Variants in ZNF283 observed in about 807,000 individuals in gnomAD.
ZNF283 encodes the protein zinc finger protein 41.
In ZNF283, 10 loss-of-function variants were observed where a neutral mutation model predicts 9.2. The ratio of observed to expected loss-of-function variants is 1.09; its 90% confidence interval spans 0.67 to 1.85. The LOEUF is 1.85. Among genes scored for constraint, ZNF283 ranks in the 40% most tolerant of loss-of-function variants. The pLI is 0.00. For synonymous variants in ZNF283, 234 were observed against 244.1 expected, an observed-to-expected ratio of 0.96 and a Z score of 0.38; for missense variants, 631 against 760.1, an observed-to-expected ratio of 0.83 and a Z score of 2.00.
chr19:43,834,332 C>T (rs1970855846), intron 4 of ZNF283, among the ~76,000 whole-genome samples: 1 of 151,762 alleles, frequency 6.6e-6, no homozygotes, highest in East Asian at 1.9e-4. Context: ...CAACTTAGGC[C>T]ATGAATATAT....
At position 43,847,721 on chromosome 19, in the gene ZNF283, C is replaced by G; in HGVS notation, c.1120C>G (p.Pro374Ala). 6.2e-7 allele frequency: 1 copy of G among 1,612,968 alleles called. No homozygotes were observed. Among genetic ancestry groups the G allele is most frequent in the Non-Finnish European group, 8.5e-7 (1 of 1,179,578 alleles). The change falls in exon 7 of 7, where the codon CCT becomes GCT. Residue 374 changes from proline (P) to alanine (A), a missense_variant. By Grantham distance (27) the Pro-to-Ala change is conservative. This residue lies in a region of ZNF283 where 444 missense variants were observed against 522.5 expected (regional missense o/e 0.85). Transcript: ENST00000618787. ...TCAGAAAATCCATACTGGTAAGAAA[C>G]CTTATGAATGTAAAATATGTGGAAA... ...QHQKIHTGKK[P>A]YECKICGKAF...
intron 1 of ZNF283, 49 bp downstream of exon 1, chr19:43,827,493 G>A (rs566665561): frequency 1.3e-5 from 2 of 152,396 alleles, no homozygotes; most frequent in South Asian, 4.2e-4. Flanking sequence ...GAAGCTGGGA[G>A]GGCTCGGCTG....
rs1266530331 is a variant in ZNF283 at position 43,847,393 on chromosome 19, G to C, written c.792G>C (p.Glu264Asp). ...QRFHTGEKPY[E>D]CKECGKTFSW... ...TTCATACTGGTGAGAAACCCTATGA[G>C]TGTAAGGAATGTGGGAAGACCTTTA... The change falls in exon 7 of 7, where the codon GAG becomes GAC. Residue 264 changes from glutamate (E) to aspartate (D), a missense_variant. This residue lies in a region of ZNF283 where 444 missense variants were observed against 522.5 expected (regional missense o/e 0.85). Coordinates refer to ENST00000618787, the MANE Select transcript of ZNF283 (RefSeq NM_181845.2). 6.2e-7 allele frequency: 1 copy of C among 1,613,518 alleles called. No individual in the cohort carries two copies. The highest frequency in any genetic ancestry group is 8.5e-7 in the Non-Finnish European group (1 of 1,179,764).
Position 43,850,863 on chromosome 19 carries a change from T to C in ZNF283, c.*2222T>C, listed in dbSNP as rs913483558. 4 of 152,260 alleles carry C rather than the reference T, an allele frequency of 2.6e-5. No individual in the cohort carries two copies. Among genetic ancestry groups the C allele is most frequent in the African/African-American group, 9.6e-5 (4 of 41,474 alleles). 9.4% of individuals were successfully genotyped at this position (152,260 alleles called of 1,614,324 possible). Reference sequence around the variant, plus strand: ...TGAAGAAATAGAGTGTGTGTTTATATACTCACACAGTTAGAAATCGACCCT... The same window carrying C: ...TGAAGAAATAGAGTGTGTGTTTATACACTCACACAGTTAGAAATCGACCCT... On this transcript the variant is annotated 3_prime_UTR_variant, in exon 7 of 7. Coordinates refer to ENST00000618787, the MANE Select transcript of ZNF283 (RefSeq NM_181845.2).
rs1181543450 is a variant in ZNF283, at chr19:43,842,205, A to G, written c.338-4734A>G. ...TTTGTACTTCAGTTTGGTAATACCT[A>G]TTTACCTGTCTTGAAGTCACTGTTT... On this transcript the variant is annotated intron_variant, in intron 6 of 6. Transcript: ENST00000618787. 5.3e-5 allele frequency among the ~76,000 whole-genome samples: 8 copies of G among 151,720 alleles called. No individual in the cohort carries two copies. In the East Asian group the frequency reaches 1.2e-3, roughly 22 times the overall value.
At chr19:43,837,450 T>A (rs1971030448) in intron 6 of ZNF283, 1 of 405,424 alleles carries the variant, frequency 2.5e-6, no homozygotes, top group Non-Finnish European at 4.3e-6. Flanking sequence ...TTATAGAACA[T>A]TTATTTCATA....
chr19:43,837,019 A>G, intron 5 of ZNF283, 34 bp from the exon 6 acceptor site: 1 of 1,609,256 alleles, frequency 6.2e-7, no homozygotes. Flanking sequence ...GTTTTCTTTA[A>G]TTTCACAAGT....
chr19:43,837,129 A>C lies in ZNF283; in HGVS notation c.287A>C (p.Asp96Ala). 6.2e-7 allele frequency: 1 copy of C among 1,613,696 alleles called. No homozygotes were observed. Among genetic ancestry groups the C allele is most frequent in the Middle Eastern group, 1.6e-4 (1 of 6,062 alleles). ...EWECLDPAQR[D>A]LYVDVMLENY... ...GAATGCCTGGACCCTGCTCAGAGGG[A>C]CTTGTACGTGGATGTAATGTTGGAG... Residue 96 changes from aspartate to alanine, a missense_variant, in exon 6 of 7, where the codon GAC becomes GCC. By Grantham distance (126) the Asp-to-Ala change is moderately radical. Coordinates refer to ENST00000618787, the MANE Select transcript of ZNF283 (RefSeq NM_181845.2).
chr19:43,847,379 G>A lies in ZNF283; in HGVS notation c.778G>A (p.Glu260Lys), dbSNP rs1283480245. The change falls in exon 7 of 7, where the codon GAG becomes AAG. Residue 260 changes from glutamate (E) to lysine (K), a missense_variant. This residue lies in a region of ZNF283 where 444 missense variants were observed against 522.5 expected (regional missense o/e 0.85). Coordinates refer to ENST00000618787, the MANE Select transcript of ZNF283 (RefSeq NM_181845.2). ...TGTGCATCAGAGATTTCATACTGGT[G>A]AGAAACCCTATGAGTGTAAGGAATG... ...LNVHQRFHTG[E>K]KPYECKECGK... 6.2e-7 allele frequency: 1 copy of A among 1,614,048 alleles called. No homozygotes were observed. The highest frequency in any genetic ancestry group is 8.5e-7 in the Non-Finnish European group (1 of 1,179,950).
At chr19:43,834,837 A>C (rs1340624703) in intron 4 of ZNF283, among the ~76,000 whole-genome samples, 1 of 151,714 alleles carries the variant, frequency 6.6e-6, no homozygotes, top group Non-Finnish European at 1.5e-5. Flanking sequence ...CTCATAATCC[A>C]CCCACCTCAG....
chr19:43,837,779 A>G (rs1971042677), intron 6 of ZNF283: 1 of 152,258 alleles, frequency 6.6e-6, no homozygotes, highest in Admixed American at 6.5e-5. Flanking sequence ...GGAGCCTGGG[A>G]TCTCTATGTG....
At chr19:43,833,007 A>C (rs1427948914) in intron 3 of ZNF283, among the ~76,000 whole-genome samples, 1 of 149,706 alleles carries the variant, frequency 6.7e-6, no homozygotes, top group East Asian at 1.9e-4. Context: ...CAGCCTAGGC[A>C]ACAGAGCAAG....
chr19:43,834,965 A>G (rs748590010), intron 4 of ZNF283, among the ~76,000 whole-genome samples: 5 of 152,118 alleles, frequency 3.3e-5, no homozygotes, highest in Non-Finnish European at 7.3e-5. Context: ...GTCTTTCTGT[A>G]TTGATATATA....
chr19:43,832,022 G>T (rs565865311), intron 3 of ZNF283, among the ~76,000 whole-genome samples: 1 of 151,296 alleles, frequency 6.6e-6, no homozygotes, highest in African/African-American at 2.4e-5. Context: ...ATAGTAATTG[G>T]TGATGTAAAT....
intron 6 of ZNF283, among the ~76,000 whole-genome samples, chr19:43,841,796 T>C (rs1208922017): frequency 6.6e-6 from 1 of 152,220 alleles, no homozygotes; most frequent in Non-Finnish European, 1.5e-5. Flanking sequence ...GATATATTTT[T>C]TCTTTTAGTT....
chr19:43,836,843 T>C (rs1001499519), intron 5 of ZNF283, among the ~76,000 whole-genome samples: 1 of 152,248 alleles, frequency 6.6e-6, no homozygotes, highest in Non-Finnish European at 1.5e-5. Context: ...CGGGAAGTTT[T>C]TTCTGCTATA....
At chr19:43,841,644 G>A (rs1460374566) in intron 6 of ZNF283, among the ~76,000 whole-genome samples, 1 of 152,026 alleles carries the variant, frequency 6.6e-6, no homozygotes, top group Non-Finnish European at 1.5e-5. Flanking sequence ...TGTTGGCCAG[G>A]CTGGTTTTGA....
intron 6 of ZNF283, among the ~76,000 whole-genome samples, chr19:43,838,579 A>C (rs190439627): frequency 6.6e-6 from 1 of 152,322 alleles, no homozygotes; most frequent in East Asian, 1.9e-4. Context: ...CAGTGAGCTG[A>C]GATTGTGTCA....
In ZNF283 at chr19:43,837,013, T is replaced by G. The variant is rs78938003; in HGVS notation, c.211-40T>G. On this transcript the variant is annotated intron_variant, in intron 5 of 6. Coordinates refer to ENST00000618787, the MANE Select transcript of ZNF283 (RefSeq NM_181845.2). ...CTCTTTTTTCCTCTTGGAAATGTTT[T>G]CTTTAATTTCACAAGTAATACATGG... 534 of 1,609,246 alleles carry G rather than the reference T, an allele frequency of 3.3e-4. 6 individuals carry two copies. The African/African-American group carries it at 6.7e-3, about 20-fold the overall frequency.
Sources: gnomAD v4.1 joint callset for allele counts (sites outside exome capture counted in the v4.1 genomes callset) on GRCh38, gnomAD v4.1.1 for gene constraint, gnomAD v4.1.1 regional missense constraint, MANE v1.5 for transcripts, NCBI Gene and HGNC (gene_info 2026-07-23, HGNC 2026-07-21) for gene names.